ZFAND3: variants seen among roughly 807,000 people sequenced by gnomAD.
The protein encoded by ZFAND3 is AN1-type zinc finger protein 3.
Under a neutral mutation model 29.6 loss-of-function variants are expected in ZFAND3, and 10 were observed. The ratio of observed to expected loss-of-function variants is 0.34; its 90% CI spans 0.21 to 0.57. The LOEUF is 0.57. Among genes scored for constraint, ZFAND3 ranks in the 20% least tolerant of loss-of-function variants. ZFAND3 has a pLI of 0.86. For synonymous variants in ZFAND3, 128 were observed against 112.6 expected, an observed-to-expected ratio of 1.14 and a Z score of -0.87; for missense variants, 230 against 304.5, an observed-to-expected ratio of 0.76 and a Z score of 1.82.
At position 38,017,276 on chromosome 6, in the gene ZFAND3, G is replaced by A. The variant is rs1763268202; in HGVS notation, c.113-44317G>A. On this transcript the variant is annotated intron_variant, in intron 2 of 5. Coordinates refer to ENST00000287218, the MANE Select transcript of ZFAND3 (RefSeq NM_021943.3). Reference sequence around the variant, plus strand: ...GTCCAAAAGGTAACTCACAGCTTATGGAGGGACCAGAAGCTTTGGAATAAA... The same window carrying A: ...GTCCAAAAGGTAACTCACAGCTTATAGAGGGACCAGAAGCTTTGGAATAAA... Among the ~76,000 whole-genome samples, 3 of 152,212 alleles carry A rather than the reference G, an allele frequency of 2.0e-5. No homozygotes were observed. The South Asian group carries it at 6.2e-4, about 32-fold the overall frequency.
At chr6:38,093,364 G>A (rs948377001) in intron 4 of ZFAND3, among the ~76,000 whole-genome samples, 21 of 152,210 alleles carry the variant, frequency 1.4e-4, no homozygotes, top group Non-Finnish European at 2.6e-4. Context: ...GACAGGGAAG[G>A]AGTAGGAAGA....
intron 2 of ZFAND3, among the ~76,000 whole-genome samples, chr6:37,994,710 C>G (rs1273092119): frequency 6.6e-6 from 1 of 152,110 alleles, no homozygotes; most frequent in African/African-American, 2.4e-5. Context: ...ACAACTCTGG[C>G]TGGATTAAGC....
At chr6:38,032,945 G>A (rs968750384) in intron 2 of ZFAND3, among the ~76,000 whole-genome samples, 2 of 152,124 alleles carry the variant, frequency 1.3e-5, no homozygotes, top group Non-Finnish European at 2.9e-5. Context: ...AGTCCATGTT[G>A]CTACTCTGTA....
intron 2 of ZFAND3, among the ~76,000 whole-genome samples, chr6:38,031,941 C>G (rs993109207): frequency 5.4e-5 from 8 of 148,426 alleles, no homozygotes; most frequent in African/African-American, 2.0e-4. Flanking sequence ...AAGTGATCTT[C>G]CCGCCTCAGC....
chr6:37,846,136 A>G (rs1294047572), intron 1 of ZFAND3, among the ~76,000 whole-genome samples: 1 of 152,118 alleles, frequency 6.6e-6, no homozygotes, highest in East Asian at 1.9e-4. Context: ...CATCATTTGT[A>G]TATGTCTGAG....
chr6:38,071,118 G>A (rs1461679013), intron 3 of ZFAND3, among the ~76,000 whole-genome samples: 5 of 150,886 alleles, frequency 3.3e-5, no homozygotes, highest in Non-Finnish European at 7.4e-5. Context: ...TTACATATAT[G>A]TAAAAAAAGA....
chr6:38,053,814 G>A (rs1214504990), intron 2 of ZFAND3, among the ~76,000 whole-genome samples: 3 of 152,124 alleles, frequency 2.0e-5, no homozygotes, highest in Non-Finnish European at 4.4e-5. Flanking sequence ...TGACTAGAAT[G>A]GTAATTTGGG....
chr6:37,938,483 C>T (rs1761743391), intron 2 of ZFAND3, among the ~76,000 whole-genome samples: 1 of 152,150 alleles, frequency 6.6e-6, no homozygotes, highest in African/African-American at 2.4e-5. Flanking sequence ...ACCACAGTTG[C>T]AATCCTGTGT....
At chr6:38,138,249 CAG>C (rs1268078202) in intron 5 of ZFAND3, among the ~76,000 whole-genome samples, 7 of 152,214 alleles carry the variant, frequency 4.6e-5, no homozygotes, top group Admixed American at 6.5e-5. Context: ...TAAAAATAGA[CAG>C]TGGTGGTGGT....
chr6:37,897,613 G>A (rs536809483), intron 1 of ZFAND3, among the ~76,000 whole-genome samples: 1 of 152,110 alleles, frequency 6.6e-6, no homozygotes, highest in Non-Finnish European at 1.5e-5. Flanking sequence ...CAGCATCAGC[G>A]GATTAGTATT....
intron 2 of ZFAND3, among the ~76,000 whole-genome samples, chr6:37,972,436 G>C (rs1392147040): frequency 6.6e-6 from 1 of 152,202 alleles, no homozygotes; most frequent in African/African-American, 2.4e-5. Context: ...TTCACACTAA[G>C]TGTGGTGTTA....
intron 1 of ZFAND3, 101 bp from the exon 2 acceptor site, chr6:37,929,858 C>G (rs1005008339): frequency 8.6e-7 from 1 of 1,166,316 alleles, no homozygotes; most frequent in Admixed American, 2.6e-5. Context: ...AGTTGCCTGA[C>G]CAGAAAGTTC....
chr6:38,018,833 A>G (rs1410257408), intron 2 of ZFAND3, among the ~76,000 whole-genome samples: 2 of 152,192 alleles, frequency 1.3e-5, no homozygotes, highest in Non-Finnish European at 2.9e-5. Flanking sequence ...GTCAAAGTGT[A>G]TGTGCACTTT....
intron 2 of ZFAND3, among the ~76,000 whole-genome samples, chr6:37,986,835 A>G (rs1007036869): frequency 3.3e-5 from 5 of 152,120 alleles, no homozygotes; most frequent in East Asian, 1.9e-4. Flanking sequence ...AAAGCAATTA[A>G]TACTTTATTA....
chr6:38,005,477 A>G (rs1417158653), intron 2 of ZFAND3, among the ~76,000 whole-genome samples: 2 of 152,222 alleles, frequency 1.3e-5, no homozygotes, highest in Non-Finnish European at 2.9e-5. Context: ...TGTCAATGGC[A>G]TCTGACTTTT....
chr6:38,096,330 A>G (rs1054456051), intron 4 of ZFAND3, among the ~76,000 whole-genome samples: 2 of 151,878 alleles, frequency 1.3e-5, no homozygotes, highest in Non-Finnish European at 2.9e-5. Context: ...CTGCCACCAC[A>G]TCGGGCTAAC....
intron 3 of ZFAND3, among the ~76,000 whole-genome samples, chr6:38,082,142 G>GTTTTT (rs771690113): frequency 1.0e-4 from 15 of 145,450 alleles, no homozygotes; most frequent in South Asian, 2.2e-4. Flanking sequence ...AGACTCGGCT[G>GTTTTT]TTTTTTTTTT....
In ZFAND3 at chr6:38,116,542, C is replaced by A. The variant is rs754146464; in HGVS notation, c.362-30C>A. On this transcript the variant is annotated intron_variant, in intron 4 of 5. Coordinates refer to ENST00000287218, the MANE Select transcript of ZFAND3 (RefSeq NM_021943.3). ...TGTGCTTGCCAGGCCAGGCACTAAT[C>A]CTGATCCCCAAATATGTTGTTTTGG... 2.5e-6 allele frequency: 4 copies of A among 1,589,594 alleles called. No homozygotes were observed. The African/African-American group carries it at 4.0e-5, about 16-fold the overall frequency.
intron 4 of ZFAND3, among the ~76,000 whole-genome samples, chr6:38,106,622 A>G (rs967466773): frequency 5.3e-5 from 8 of 152,130 alleles, no homozygotes; most frequent in African/African-American, 1.9e-4. Flanking sequence ...AGAGTTTATC[A>G]CTTTTACTTT....
Sources: allele counts gnomAD v4.1 joint callset (sites outside exome capture counted in the v4.1 genomes callset), GRCh38; gene constraint gnomAD v4.1.1; transcripts MANE v1.5; gene names NCBI Gene and HGNC (gene_info 2026-07-23, HGNC 2026-07-21).